Variants in NCR3LG1 observed in about 807,000 individuals in gnomAD.
NCR3LG1 encodes natural killer cell cytotoxicity receptor 3 ligand 1.
Under a neutral mutation model 34.8 loss-of-function variants are expected in NCR3LG1, and 35 were observed. The ratio of observed to expected loss-of-function variants is 1.01; its 90% confidence interval spans 0.77 to 1.33. The LOEUF is 1.33. NCR3LG1 is among the 40% of genes most tolerant of loss of function. NCR3LG1 has a pLI of 0.00. For synonymous variants in NCR3LG1, 173 were observed against 163.6 expected, an observed-to-expected ratio of 1.06 and a Z score of -0.44; for missense variants, 452 against 423.3, an observed-to-expected ratio of 1.07 and a Z score of -0.60.
At chr11:17,352,232 G>C (rs1160644639) in intron 1 of NCR3LG1, among the ~76,000 whole-genome samples, 193 bp downstream of exon 1, 1 of 144,800 alleles carries the variant, frequency 6.9e-6, no homozygotes, top group African/African-American at 2.6e-5. Context: ...CCAGGCTGGA[G>C]TGAAGTGGCG....
intron 1 of NCR3LG1, among the ~76,000 whole-genome samples, chr11:17,353,620 C>A (rs575231996): frequency 6.6e-6 from 1 of 152,366 alleles, no homozygotes; most frequent in Non-Finnish European, 1.5e-5. Flanking sequence ...TCTCGGTCCC[C>A]GCGGATGCTG....
rs1953138239 is a variant in NCR3LG1 at position 17,351,895 on chromosome 11, T to TC, written c.-70dup. The TC allele has an allele frequency of 1.7e-6, 2 of 1,171,628 alleles. No homozygotes were observed. Among genetic ancestry groups the TC allele is most frequent in the African/African-American group, 3.1e-5 (2 of 65,008 alleles). The allele number at this position is 1,171,628 out of a possible 1,614,324, so 72.6% of individuals were successfully genotyped here. A position where few individuals can be genotyped will look rare whatever the true frequency, so the allele number is the denominator to read the frequency against. On this transcript the variant is annotated 5_prime_UTR_variant, in exon 1 of 5. Coordinates refer to ENST00000338965, the MANE Select transcript of NCR3LG1 (RefSeq NM_001202439.3). Reference sequence around the variant, plus strand: ...GTCAACTCTTTACGCAACAGAGGTCTCCCCCTGCCCTTGGTTTCTACCGGG... The same window carrying TC: ...GTCAACTCTTTACGCAACAGAGGTCTCCCCCCTGCCCTTGGTTTCTACCGGG...
In NCR3LG1 at chr11:17,372,320, A is replaced by G; in HGVS notation, c.1173A>G (p.Thr391=). ...QCCRIDPALL[T]VTSGKSIDDN... ...GTAGAATTGACCCTGCTCTCCTAACAGTTACATCAGGCAAGTCCATAGATG... is the reference window on the plus strand; with the variant it reads ...GTAGAATTGACCCTGCTCTCCTAACGGTTACATCAGGCAAGTCCATAGATG... Residue 391 remains threonine, a synonymous_variant, in exon 5 of 5, where the codon ACA becomes ACG. Coordinates refer to ENST00000338965, the MANE Select transcript of NCR3LG1 (RefSeq NM_001202439.3). 1.4e-6 allele frequency: 1 copy of G among 703,120 alleles called. No individual in the cohort carries two copies. Among genetic ancestry groups the G allele is most frequent in the Middle Eastern group, 2.3e-4 (1 of 4,370 alleles). The allele number at this position is 703,120 out of a possible 1,614,324, so 43.6% of individuals were successfully genotyped here.
intron 1 of NCR3LG1, among the ~76,000 whole-genome samples, chr11:17,355,742 A>C (rs1470425857): frequency 6.6e-6 from 1 of 152,250 alleles, no homozygotes; most frequent in Non-Finnish European, 1.5e-5. Context: ...TTCTTGCTGT[A>C]TCTTTACGTG....
chr11:17,354,545 C>CTTT (rs71047545), intron 1 of NCR3LG1, among the ~76,000 whole-genome samples: 716 of 70,156 alleles, frequency 0.01, 3 homozygotes, highest in Non-Finnish European at 0.018. Context: ...AATTCTTCTT[C>CTTT]TTTTTTTTTT....
intron 2 of NCR3LG1, among the ~76,000 whole-genome samples, chr11:17,361,940 C>G (rs955517492): frequency 1.1e-4 from 16 of 152,208 alleles, no homozygotes; most frequent in African/African-American, 3.9e-4. Flanking sequence ...GCCACTGTAC[C>G]AGGCCTCATA....
Position 17,372,801 on chromosome 11 carries a change from A to G in NCR3LG1, c.*289A>G. Reference sequence around the variant, plus strand: ...GGAAAGAAGGTGAGAAACAACCAGCATTCACATACCCAATAGGAAGCGAGG... The same window carrying G: ...GGAAAGAAGGTGAGAAACAACCAGCGTTCACATACCCAATAGGAAGCGAGG... On this transcript the variant is annotated 3_prime_UTR_variant, in exon 5 of 5. Transcript: ENST00000338965. The G allele has an allele frequency of 2.8e-6, 1 of 354,364 alleles. No individual in the cohort carries two copies. The highest frequency in any genetic ancestry group is 5.1e-6 in the Non-Finnish European group (1 of 195,454). 22.0% of individuals were successfully genotyped at this position (354,364 alleles called of 1,614,324 possible).
At chr11:17,381,141 C>G (rs546739598), downstream of NCR3LG1, 1 of 152,278 alleles carries the variant, frequency 6.6e-6, no homozygotes, top group African/African-American at 2.4e-5. Flanking sequence ...ACAGCCTCTC[C>G]CCTTTATCTT....
intron 2 of NCR3LG1, among the ~76,000 whole-genome samples, chr11:17,364,845 C>T (rs185436756): frequency 6.6e-6 from 1 of 152,296 alleles, no homozygotes; most frequent in Admixed American, 6.5e-5. Flanking sequence ...TGCGTTCAGC[C>T]TCCTTGTCAG....
In NCR3LG1 at chr11:17,373,097, A is replaced by C. The variant is rs529264281; in HGVS notation, c.*585A>C. 6.6e-6 allele frequency: 1 copy of C among 152,362 alleles called. No individual in the cohort carries two copies. The highest frequency in any genetic ancestry group is 1.5e-5 in the Non-Finnish European group (1 of 68,082). The allele number at this position is 152,362 out of a possible 1,614,324, so 9.4% of individuals were successfully genotyped here. On this transcript the variant is annotated 3_prime_UTR_variant, in exon 5 of 5. Transcript: ENST00000338965. ...AAATAATTCAATTGAGGGACAGCTA[A>C]TTTTGAAAGACAAGTTTATTACTCA... is the stretch of plus-strand genomic sequence containing the variant.
downstream of NCR3LG1, chr11:17,380,944 G>A (rs1427647027): frequency 6.6e-6 from 1 of 152,192 alleles, no homozygotes; most frequent in African/African-American, 2.4e-5. Context: ...TCTTATAGCA[G>A]TTAGCCTATG....
chr11:17,352,024 G>C lies in NCR3LG1; in HGVS notation c.55G>C (p.Ala19Pro), dbSNP rs967397387. The change falls in exon 1 of 5, where the codon GCG becomes CCG. Residue 19 changes from alanine to proline, a missense_variant. Ala to Pro is a conservative substitution (Grantham distance 27). Coordinates refer to ENST00000338965, the MANE Select transcript of NCR3LG1 (RefSeq NM_001202439.3). ...TCAALLILLW[A>P]LTTEGDLKVE... Reference sequence around the variant, plus strand: ...CGCGGCGCTCCTGATTCTGCTGTGGGCGCTGACGACCGAAGGTAGGGGGCG... The same window carrying C: ...CGCGGCGCTCCTGATTCTGCTGTGGCCGCTGACGACCGAAGGTAGGGGGCG... 6.6e-7 allele frequency: 1 copy of C among 1,516,906 alleles called. No homozygotes were observed. The highest frequency in any genetic ancestry group is 8.8e-7 in the Non-Finnish European group (1 of 1,137,350). The allele number at this position is 1,516,906 out of a possible 1,614,324, so 94.0% of individuals were successfully genotyped here.
chr11:17,364,847 C>T (rs1320706189), intron 2 of NCR3LG1, among the ~76,000 whole-genome samples: 1 of 152,112 alleles, frequency 6.6e-6, no homozygotes, highest in African/African-American at 2.4e-5. Context: ...CGTTCAGCCT[C>T]CTTGTCAGTT....
chr11:17,355,292 G>T (rs767085268), intron 1 of NCR3LG1, among the ~76,000 whole-genome samples: 5 of 152,086 alleles, frequency 3.3e-5, no homozygotes, highest in African/African-American at 4.8e-5. Context: ...AACTACTTGG[G>T]AGGCTGAGAC....
intron 3 of NCR3LG1, 150 bp downstream of exon 3, chr11:17,367,497 C>A: frequency 2.9e-6 from 2 of 692,792 alleles, no homozygotes; most frequent in Non-Finnish European, 4.7e-6. Flanking sequence ...TCTGGCCTAG[C>A]TCAGCCCCAG....
In NCR3LG1 at chr11:17,372,859, A is replaced by C. The variant is rs1209704006; in HGVS notation, c.*347A>C. 1 of 223,084 alleles carries C rather than the reference A, an allele frequency of 4.5e-6. No homozygotes were observed. The highest frequency in any genetic ancestry group is 2.3e-5 in the African/African-American group (1 of 43,972). 13.8% of individuals were successfully genotyped at this position (223,084 alleles called of 1,614,324 possible). On this transcript the variant is annotated 3_prime_UTR_variant, in exon 5 of 5. Coordinates refer to ENST00000338965, the MANE Select transcript of NCR3LG1 (RefSeq NM_001202439.3). ...CCTTGAACAACATAATTCGGACCCC[A>C]GTGGTACCTTAGATGAGTGGCAAAG...
At position 17,375,885 on chromosome 11, in the gene NCR3LG1, A is replaced by G. The variant is rs955075825; in HGVS notation, c.*3373A>G. 6.6e-6 allele frequency: 1 copy of G among 152,190 alleles called. No homozygotes were observed. The highest frequency in any genetic ancestry group is 1.5e-5 in the Non-Finnish European group (1 of 68,030). 9.4% of individuals were successfully genotyped at this position (152,190 alleles called of 1,614,324 possible). A position where few individuals can be genotyped will look rare whatever the true frequency, so the allele number is the denominator to read the frequency against. On this transcript the variant is annotated 3_prime_UTR_variant, in exon 5 of 5. Coordinates refer to ENST00000338965, the MANE Select transcript of NCR3LG1 (RefSeq NM_001202439.3). ...TAGAATGGGCCACCTCTCGAGGTAT[A>G]CTTTTCAACCCTCAGGATGGTTACA...
intron 2 of NCR3LG1, among the ~76,000 whole-genome samples, chr11:17,363,695 C>CA (rs892582269): frequency 6.6e-6 from 1 of 151,994 alleles, no homozygotes. Flanking sequence ...GGCTCAAGCC[C>CA]AAGTGATCCT....
At chr11:17,370,299 A>T (rs751647649) in intron 4 of NCR3LG1, among the ~76,000 whole-genome samples, 24 of 152,278 alleles carry the variant, frequency 1.6e-4, no homozygotes, top group Non-Finnish European at 3.1e-4. Flanking sequence ...TTTCTTGGTC[A>T]TGAGACAAAG....
Sources: allele counts gnomAD v4.1 joint callset (sites outside exome capture counted in the v4.1 genomes callset), GRCh38; gene constraint gnomAD v4.1.1; transcripts MANE v1.5; gene names NCBI Gene and HGNC (gene_info 2026-07-23, HGNC 2026-07-21).